Variants in KLRG1 observed in about 807,000 individuals in gnomAD.
KLRG1 encodes killer cell lectin like receptor G1.
A neutral mutation model predicts 21.8 loss-of-function variants in KLRG1; 16 were observed. The ratio of observed to expected loss-of-function variants is 0.73; its 90% CI spans 0.50 to 1.11. The LOEUF (loss-of-function observed/expected upper bound fraction) is 1.11, where lower values mean the gene tolerates loss of function less well. Among genes scored for constraint, KLRG1 ranks in the 50% most tolerant of loss-of-function variants. The pLI, the probability that KLRG1 is intolerant of heterozygous loss-of-function variation, is 0.00. For synonymous variants in KLRG1, 69 were observed against 75.9 expected, an observed-to-expected ratio of 0.91 and a Z score of 0.47; for missense variants, 173 against 218.3, an observed-to-expected ratio of 0.79 and a Z score of 1.31.
the KLRG1 span, among the ~76,000 whole-genome samples, chr12:9,162,813 G>A: frequency 6.6e-6 from 1 of 152,146 alleles, no homozygotes; most frequent in Admixed American, 6.5e-5. Flanking sequence ...TGTGCAGGAG[G>A]TGCAGGTTTG....
At chr12:9,133,006 C>T in the KLRG1 span, among the ~76,000 whole-genome samples, 1 of 151,934 alleles carries the variant, frequency 6.6e-6, no homozygotes, top group Admixed American at 6.6e-5. Context: ...GTGATAGGCA[C>T]CTTGCTTATT....
downstream of KLRG1, among the ~76,000 whole-genome samples, chr12:9,014,681 G>A (rs1307816985): frequency 1.3e-5 from 2 of 152,034 alleles, no homozygotes; most frequent in Non-Finnish European, 2.9e-5. Flanking sequence ...AAAACTCACT[G>A]GTAATAGTAA....
At chr12:9,169,510 G>A in the KLRG1 span, 1 of 1,612,906 alleles carries the variant, frequency 6.2e-7, no homozygotes, top group Non-Finnish European at 8.5e-7. Context: ...AAAGGACGGG[G>A]ACAGTGTCCT....
chr12:9,015,229 A>T (rs902490309), downstream of KLRG1, among the ~76,000 whole-genome samples: 1 of 152,160 alleles, frequency 6.6e-6, no homozygotes, highest in Non-Finnish European at 1.5e-5. Context: ...AATGGATAAA[A>T]ACACAAGACC....
the KLRG1 span, chr12:9,192,237 A>G: frequency 7.2e-5 from 117 of 1,613,956 alleles, no homozygotes; most frequent in Non-Finnish European, 9.3e-5. Flanking sequence ...AGATCTGACG[A>G]TGACTCCCTT....
chr12:9,130,469 T>G, the KLRG1 span, among the ~76,000 whole-genome samples: 3 of 139,446 alleles, frequency 2.2e-5, no homozygotes, highest in Admixed American at 1.4e-4. Context: ...TTACTTTCTG[T>G]TTTTTTTTTA....
chr12:9,205,476 C>G, the KLRG1 span, among the ~76,000 whole-genome samples: 21 of 152,232 alleles, frequency 1.4e-4, no homozygotes, highest in African/African-American at 2.4e-4. Flanking sequence ...GCATGATACT[C>G]TCCATGTTCA....
chr12:9,094,912 T>C, the KLRG1 span: 1 of 925,534 alleles, frequency 1.1e-6, no homozygotes, highest in Non-Finnish European at 1.5e-6. Context: ...TTGTATCTTT[T>C]AAAAAATTTA....
chr12:9,078,211 G>A, the KLRG1 span, among the ~76,000 whole-genome samples: 1 of 152,118 alleles, frequency 6.6e-6, no homozygotes, highest in South Asian at 2.1e-4. Context: ...CTCCCAACAG[G>A]CCCTGGTGTG....
At chr12:9,179,158 T>A in the KLRG1 span, among the ~76,000 whole-genome samples, 1 of 152,186 alleles carries the variant, frequency 6.6e-6, no homozygotes, top group Non-Finnish European at 1.5e-5. Flanking sequence ...AGTAATCTAG[T>A]TTTAAATAGG....
chr12:9,140,959 T>C, the KLRG1 span, among the ~76,000 whole-genome samples: 2 of 152,182 alleles, frequency 1.3e-5, no homozygotes, highest in Admixed American at 6.5e-5. Flanking sequence ...CAGATTCTTA[T>C]TGCACTGATG....
chr12:9,089,441 G>GA, the KLRG1 span, among the ~76,000 whole-genome samples: 1 of 152,092 alleles, frequency 6.6e-6, no homozygotes. Flanking sequence ...GAAAAATTAA[G>GA]AAAGTAAATC....
the KLRG1 span, chr12:9,152,977 G>A: frequency 6.2e-7 from 1 of 1,613,866 alleles, no homozygotes; most frequent in Admixed American, 1.7e-5. Flanking sequence ...GACACTATCA[G>A]TTTCTCTCTT....
the KLRG1 span, chr12:9,182,077 G>T: frequency 6.2e-7 from 1 of 1,613,434 alleles, no homozygotes; most frequent in Admixed American, 1.7e-5. Context: ...TGGGGGCAAC[G>T]TCTGACTCCA....
At chr12:9,104,690 G>T in the KLRG1 span, among the ~76,000 whole-genome samples, 1 of 152,166 alleles carries the variant, frequency 6.6e-6, no homozygotes, top group African/African-American at 2.4e-5. Context: ...ATAATAACAA[G>T]AGTGACCTGA....
the KLRG1 span, chr12:9,109,380 T>C: frequency 6.2e-7 from 1 of 1,613,424 alleles, no homozygotes; most frequent in African/African-American, 1.3e-5. Flanking sequence ...TTGGCACTGT[T>C]ACTTGTACTT....
chr12:9,088,582 G>A, the KLRG1 span, among the ~76,000 whole-genome samples: 1 of 152,158 alleles, frequency 6.6e-6, no homozygotes, highest in Non-Finnish European at 1.5e-5. Flanking sequence ...GTCAGAGAAA[G>A]GCAATGAACC....
the KLRG1 span, chr12:9,197,007 C>T: frequency 1.3e-6 from 2 of 1,588,060 alleles, no homozygotes; most frequent in East Asian, 2.2e-5. Context: ...ATACCGCCTA[C>T]TAACCTGTTG....
At chr12:9,147,082 GCAGATGT>G in the KLRG1 span, among the ~76,000 whole-genome samples, 2 of 152,284 alleles carry the variant, frequency 1.3e-5, no homozygotes, top group South Asian at 4.2e-4. Context: ...GACTGGCAAG[GCAGATGT>G]CAGTTGTTTG....
Sources: allele counts gnomAD v4.1 joint callset (sites outside exome capture counted in the v4.1 genomes callset), GRCh38; gene constraint gnomAD v4.1.1; transcripts MANE v1.5; gene names NCBI Gene and HGNC (gene_info 2026-07-23, HGNC 2026-07-21).